Variants in DDB1 observed in about 807,000 individuals in gnomAD.
DDB1 encodes damage specific DNA binding protein 1.
In DDB1, 18 loss-of-function variants were observed where a neutral mutation model predicts 133.1. That is an observed-to-expected ratio of 0.14 (90% CI 0.09 to 0.20). DDB1 has a LOEUF of 0.20. Among genes scored for constraint, DDB1 ranks in the 10% least tolerant of loss-of-function variants. The pLI is 1.00. For missense variants in DDB1, 828 were observed against 1,459.2 expected (o/e 0.57, Z 7.05); for synonymous variants, 580 against 550.5 (o/e 1.05, Z -0.75).
At chr11:61,326,924 TAGGA>T in intron 4 of DDB1, 31 bp from the exon 5 acceptor site, 2 of 1,544,434 alleles carry the variant, frequency 1.3e-6, no homozygotes, top group Non-Finnish European at 1.8e-6. Flanking sequence ...GGTTAGCCCT[TAGGA>T]AGGGTGAGCC....
Position 61,330,017 on chromosome 11 carries a change from C to T in DDB1, c.268G>A (p.Glu90Lys). 6.2e-7 allele frequency: 1 copy of T among 1,614,032 alleles called. No individual in the cohort carries two copies. Among genetic ancestry groups the T allele is most frequent in the Non-Finnish European group, 8.5e-7 (1 of 1,179,906 alleles). Residue 90 changes from glutamate (E) to lysine (K), a missense_variant, in exon 3 of 27, where the codon GAG becomes AAG. Transcript: ENST00000301764. Reference protein sequence around the residue: ...LTAKYNACILEYKQSGESIDI... With the variant: ...LTAKYNACILKYKQSGESIDI... ...ATGCTCTCGCCACTCTGTTTATACT[C>T]CAGGATGCAGGCATTGTACTTCGCT...
chr11:61,316,437 C>T, intron 11 of DDB1, 44 bp from the exon 12 acceptor site: 2 of 1,613,586 alleles, frequency 1.2e-6, no homozygotes, highest in South Asian at 2.2e-5. Flanking sequence ...GACCAGCTTC[C>T]CCACCTCACA....
At chr11:61,305,659 T>C (rs1201411215) in intron 21 of DDB1, among the ~76,000 whole-genome samples, 3 of 152,108 alleles carry the variant, frequency 2.0e-5, no homozygotes, top group Admixed American at 6.5e-5. Context: ...GAGCTCCACA[T>C]GTTCCTGCCA....
At position 61,310,352 on chromosome 11, in the gene DDB1, A is replaced by C. The variant is rs1264797430; in HGVS notation, c.2344T>G (p.Phe782Val). Residue 782 changes from phenylalanine to valine, a missense_variant, in exon 19 of 27, where the codon TTT (phenylalanine) becomes GTT (valine). Coordinates refer to ENST00000301764, the MANE Select transcript of DDB1 (RefSeq NM_001923.5). ...SSSTAPHETS[F>V]GEEVEVHNLL... is the part of the protein sequence containing the mutation. ...TTGTGCACCTCCACCTCTTCTCCAA[A>C]GGAGGTCTCATGAGGAGCAGTGCTG... is the stretch of plus-strand genomic sequence containing the variant. The C allele has an allele frequency of 6.2e-7, 1 of 1,613,162 alleles. No individual in the cohort carries two copies.
chr11:61,308,355 G>A (rs28720336), intron 21 of DDB1, among the ~76,000 whole-genome samples: 3 of 152,036 alleles, frequency 2.0e-5, no homozygotes, highest in Non-Finnish European at 2.9e-5. Context: ...AGACCCTCCC[G>A]ACCATGTGAT....
chr11:61,315,753 T>C (rs969962658), intron 12 of DDB1: 1 of 152,796 alleles, frequency 6.5e-6, no homozygotes, highest in Non-Finnish European at 1.5e-5. Flanking sequence ...GATAACAATA[T>C]GCCAGAAGGC....
chr11:61,330,606 T>G (rs977910382), intron 2 of DDB1, among the ~76,000 whole-genome samples: 6 of 152,314 alleles, frequency 3.9e-5, no homozygotes, highest in Middle Eastern at 3.4e-3. Flanking sequence ...GGTGGTGATT[T>G]GGATGAAAAC....
Position 61,323,035 on chromosome 11 carries a change from G to A in DDB1, c.981C>T (p.Arg327=), listed in dbSNP as rs1390080867. ...CCTTCACAAGCTGGGAGTCACCCAGGCGAGACCCGACAAACACAACACCAT... is the reference window on the plus strand; with the variant it reads ...CCTTCACAAGCTGGGAGTCACCCAGACGAGACCCGACAAACACAACACCAT... The part of the protein sequence containing the change: ...LDNGVVFVGS[R]LGDSQLVKLN... Residue 327 remains arginine, a synonymous_variant, in exon 8 of 27, where the codon CGC becomes CGT. Coordinates refer to ENST00000301764, the MANE Select transcript of DDB1 (RefSeq NM_001923.5). The A allele has an allele frequency of 6.2e-7, 1 of 1,613,898 alleles. No homozygotes were observed. Among genetic ancestry groups the A allele is most frequent in the Non-Finnish European group, 8.5e-7 (1 of 1,180,004 alleles).
At position 61,301,052 on chromosome 11, in the gene DDB1, C is replaced by CT. The variant is rs1446985385; in HGVS notation, c.3216-121dup. On this transcript the variant is annotated intron_variant, in intron 25 of 26. Coordinates refer to ENST00000301764, the MANE Select transcript of DDB1 (RefSeq NM_001923.5). ...AGGATTAGAAAGGAAATGACACTTCCTTTCGCCTTGCTTTTATTTGGACAT... is the reference window on the plus strand; with the variant it reads ...AGGATTAGAAAGGAAATGACACTTCCTTTTCGCCTTGCTTTTATTTGGACAT... 4.9e-5 allele frequency: 69 copies of CT among 1,420,300 alleles called. 1 individual carries two copies. Among genetic ancestry groups the CT allele is most frequent in the South Asian group, 4.2e-4 (30 of 70,950 alleles). 88.0% of individuals were successfully genotyped at this position (1,420,300 alleles called of 1,614,324 possible).
rs147160394 is a variant in DDB1, at chr11:61,328,987, C to T, written c.549+376G>A. On this transcript the variant is annotated intron_variant, in intron 4 of 26. Transcript: ENST00000301764. The stretch of plus-strand genomic sequence containing the variant: ...ATAAGGCATCACCAAGACAATTTCT[C>T]TTTGCTTAATATAAAGGCAAGATCT... Among the ~76,000 whole-genome samples the T allele has an allele frequency of 2.2e-3, 335 of 152,312 alleles. 2 individuals carry two copies. Among genetic ancestry groups the T allele is most frequent in the South Asian group, 0.017 (81 of 4,826 alleles).
rs1856325983 is a variant in DDB1 at position 61,329,393 on chromosome 11, G to A, written c.519C>T (p.Cys173=). Residue 173 remains cysteine (C), a synonymous_variant, in exon 4 of 27, where the codon TGC becomes TGT. Transcript: ENST00000301764. ...AGACAAAGCAAATAGTAGGTGCTTG[G>A]CAACCATATAGGAACTTGACATCAA... ...HVIDVKFLYG[C]QAPTICFVYQ... is the part of the protein sequence containing the mutation. The A allele has an allele frequency of 6.2e-7, 1 of 1,614,176 alleles. No individual in the cohort carries two copies. The highest frequency in any genetic ancestry group is 1.7e-5 in the Admixed American group (1 of 60,018).
intron 10 of DDB1, among the ~76,000 whole-genome samples, chr11:61,320,078 C>A (rs61895894): frequency 1.3e-4 from 20 of 152,294 alleles, no homozygotes; most frequent in African/African-American, 4.8e-4. Context: ...AATTTCAGTA[C>A]ATTACTTTTA....
chr11:61,308,992 G>A lies in DDB1; in HGVS notation c.2652C>T (p.Ile884=). 1.2e-6 allele frequency: 2 copies of A among 1,614,156 alleles called. No individual in the cohort carries two copies. The highest frequency in any genetic ancestry group is 1.7e-6 in the Non-Finnish European group (2 of 1,180,020). The part of the protein sequence containing the change: ...VEFNGKLLAS[I]NSTVRLYEWT... ...GTGGTCCAGGCCTCACCGTGCTATT[G>A]ATGCTGGCTAACAGCTTCCCGTTAA... Residue 884 remains isoleucine, a synonymous_variant, in exon 21 of 27, where the codon ATC becomes ATT. Coordinates refer to ENST00000301764, the MANE Select transcript of DDB1 (RefSeq NM_001923.5).
intron 7 of DDB1, chr11:61,323,410 T>C: frequency 3.7e-6 from 1 of 269,378 alleles, no homozygotes; most frequent in Non-Finnish European, 7.1e-6. Flanking sequence ...AGCAATAATC[T>C]TTTTTTTTTC....
chr11:61,319,122 C>G (rs1486564971), intron 10 of DDB1, among the ~76,000 whole-genome samples: 1 of 152,196 alleles, frequency 6.6e-6, no homozygotes, highest in East Asian at 1.9e-4. Flanking sequence ...GAGAAGATCT[C>G]TTGAACCCAG....
chr11:61,304,566 C>G (rs1434108005), intron 21 of DDB1, among the ~76,000 whole-genome samples: 2 of 152,128 alleles, frequency 1.3e-5, no homozygotes, highest in African/African-American at 2.4e-5. Flanking sequence ...CCTCTACCAC[C>G]CCGCAAGAGG....
In DDB1 at chr11:61,314,071, G is replaced by A. The variant is rs757740916; in HGVS notation, c.1729C>T (p.Leu577=). The change falls in exon 14 of 27, where the codon CTG becomes TTG. Residue 577 remains leucine, a synonymous_variant. Transcript: ENST00000301764. ...CCTCCACCCAGCATCTCCTTGTGCAGTAGTTCAAAAGAGGGCAACTTCAAG... is the reference window on the plus strand; with the variant it reads ...CCTCCACCCAGCATCTCCTTGTGCAATAGTTCAAAAGAGGGCAACTTCAAG... ...RILKLPSFEL[L]HKEMLGGEII... 3 of 1,614,110 alleles carry A rather than the reference G, an allele frequency of 1.9e-6. No homozygotes were observed. The highest frequency in any genetic ancestry group is 1.6e-4 in the Middle Eastern group (1 of 6,062).
chr11:61,307,100 T>C (rs751963038), intron 21 of DDB1, among the ~76,000 whole-genome samples: 1 of 152,230 alleles, frequency 6.6e-6, no homozygotes, highest in Non-Finnish European at 1.5e-5. Flanking sequence ...CCACCTCCTT[T>C]TGCCTGGCCA....
intron 22 of DDB1, 97 bp downstream of exon 22, chr11:61,303,766 GCC>G: frequency 2.7e-6 from 3 of 1,114,094 alleles, no homozygotes; most frequent in Non-Finnish European, 3.8e-6. Context: ...AAACATTTCT[GCC>G]CCTAATACTG....
Sources: allele counts gnomAD v4.1 joint callset (sites outside exome capture counted in the v4.1 genomes callset), GRCh38; gene constraint gnomAD v4.1.1; transcripts MANE v1.5; gene names NCBI Gene and HGNC (gene_info 2026-07-23, HGNC 2026-07-21).